MICU1: variants seen among roughly 807,000 people sequenced by gnomAD.
MICU1 encodes mitochondrial calcium uptake 1.
A neutral mutation model predicts 56.8 loss-of-function variants in MICU1; 45 were observed. The observed-to-expected ratio is 0.79, with a 90% confidence interval of 0.62 to 1.02. The LOEUF is 1.02. Ranked by LOEUF, MICU1 falls within the 50% of genes least tolerant of loss-of-function variation. The pLI is 0.00. For synonymous variants in MICU1, 186 were observed against 195.1 expected (o/e 0.95, Z 0.39); for missense variants, 504 against 587.1 (o/e 0.86, Z 1.46).
intron 1 of MICU1, among the ~76,000 whole-genome samples, chr10:72,613,244 T>C (rs1287576352): frequency 6.6e-6 from 1 of 151,570 alleles, no homozygotes; most frequent in African/African-American, 2.4e-5. Flanking sequence ...TTACAGACAT[T>C]ATTAGGAGAA....
intron 9 of MICU1, among the ~76,000 whole-genome samples, chr10:72,421,266 T>G (rs1864163845): frequency 6.6e-6 from 1 of 151,392 alleles, no homozygotes; most frequent in Non-Finnish European, 1.5e-5. Context: ...TTCTTTATCT[T>G]TTTTTTTGAG....
intron 11 of MICU1, among the ~76,000 whole-genome samples, chr10:72,369,939 G>A (rs2132026770): frequency 6.8e-6 from 1 of 147,424 alleles, no homozygotes; most frequent in African/African-American, 2.5e-5. Flanking sequence ...GGAGTGCAGT[G>A]GTGCGATCTC....
At chr10:72,536,060 T>C (rs1839624733) in intron 4 of MICU1, among the ~76,000 whole-genome samples, 1 of 151,804 alleles carries the variant, frequency 6.6e-6, no homozygotes, top group South Asian at 2.1e-4. Flanking sequence ...CTGGGAAGGA[T>C]AGGGGAAATG....
intron 9 of MICU1, among the ~76,000 whole-genome samples, chr10:72,413,151 C>T (rs7904455): frequency 0.45 from 67,299 of 151,174 alleles, 18,771 homozygotes; most frequent in Non-Finnish European, 0.64. Flanking sequence ...GAGCCGAGAT[C>T]GTGCCACTGC....
intron 6 of MICU1, among the ~76,000 whole-genome samples, chr10:72,496,430 T>C (rs1164556029): frequency 1.3e-5 from 2 of 151,860 alleles, no homozygotes; most frequent in Non-Finnish European, 2.9e-5. Flanking sequence ...GCCTCCTGAA[T>C]AGCTGGGATT....
chr10:72,427,017 G>A (rs1385251621), intron 8 of MICU1, among the ~76,000 whole-genome samples: 2 of 152,174 alleles, frequency 1.3e-5, no homozygotes, highest in African/African-American at 4.8e-5. Context: ...TGGAACCTCT[G>A]ATGTTCTACT....
chr10:72,444,375 T>G (rs187425721), intron 8 of MICU1, among the ~76,000 whole-genome samples: 113 of 150,000 alleles, frequency 7.5e-4, no homozygotes, highest in African/African-American at 2.7e-3. Flanking sequence ...AGTATAATAA[T>G]AATAAGAAGA....
At chr10:72,608,056 T>C (rs1014920531) in intron 1 of MICU1, among the ~76,000 whole-genome samples, 1 of 152,150 alleles carries the variant, frequency 6.6e-6, no homozygotes, top group Non-Finnish European at 1.5e-5. Context: ...TTTTCCTTTA[T>C]ACTGTTCTAA....
chr10:72,607,944 C>A (rs890506293), intron 1 of MICU1, among the ~76,000 whole-genome samples: 1 of 152,166 alleles, frequency 6.6e-6, no homozygotes, highest in Admixed American at 6.5e-5. Context: ...GGGTGGGAAA[C>A]AATCCACACA....
At chr10:72,440,809 T>TTA (rs1351056199) in intron 8 of MICU1, among the ~76,000 whole-genome samples, 1 of 152,228 alleles carries the variant, frequency 6.6e-6, no homozygotes, top group Non-Finnish European at 1.5e-5. Context: ...ATGCTCATCA[T>TTA]TACTGGTCAT....
chr10:72,595,969 A>G (rs568953040), intron 1 of MICU1, among the ~76,000 whole-genome samples: 5 of 136,682 alleles, frequency 3.7e-5, no homozygotes, highest in African/African-American at 1.4e-4. Flanking sequence ...TGTCTCCACA[A>G]TAAAAAAATT....
intron 2 of MICU1, among the ~76,000 whole-genome samples, chr10:72,564,639 A>G (rs575842316): frequency 7.2e-5 from 11 of 152,188 alleles, no homozygotes; most frequent in African/African-American, 2.6e-4. Flanking sequence ...AGAGGATCCC[A>G]AGCCAAATAC....
chr10:72,498,671 A>G (rs894261904), intron 6 of MICU1, among the ~76,000 whole-genome samples: 1 of 152,156 alleles, frequency 6.6e-6, no homozygotes, highest in African/African-American at 2.4e-5. Flanking sequence ...GAGCCTAAGG[A>G]GCAGAGAAGG....
At chr10:72,580,880 G>A (rs185872935) in intron 1 of MICU1, among the ~76,000 whole-genome samples, 174 of 152,144 alleles carry the variant, frequency 1.1e-3, no homozygotes, top group African/African-American at 3.9e-3. Context: ...CAGCAACAAG[G>A]TTCTCAAAAA....
At chr10:72,570,467 A>C (rs1840580800) in intron 1 of MICU1, among the ~76,000 whole-genome samples, 1 of 152,162 alleles carries the variant, frequency 6.6e-6, no homozygotes, top group South Asian at 2.1e-4. Context: ...CTAACATTTA[A>C]GTATACTCTA....
intron 1 of MICU1, among the ~76,000 whole-genome samples, chr10:72,573,467 T>G (rs1329252200): frequency 6.6e-6 from 1 of 151,998 alleles, no homozygotes; most frequent in Admixed American, 6.6e-5. Context: ...CTGGTGGGAG[T>G]TGGAAATAAG....
chr10:72,375,702 T>C, intron 11 of MICU1, 81 bp downstream of exon 11: 4 of 1,295,886 alleles, frequency 3.1e-6, no homozygotes, highest in Non-Finnish European at 2.1e-6. Context: ...ACAGATGCTG[T>C]CCGCAAGGCT....
chr10:72,500,393 C>T (rs935339542), intron 6 of MICU1, among the ~76,000 whole-genome samples: 7 of 142,438 alleles, frequency 4.9e-5, no homozygotes, highest in African/African-American at 1.0e-4. Context: ...AGCTCACTGC[C>T]GGATCACTAA....
chr10:72,611,128 C>G (rs926976672), intron 1 of MICU1, among the ~76,000 whole-genome samples: 15 of 150,068 alleles, frequency 1.0e-4, no homozygotes, highest in African/African-American at 3.7e-4. Flanking sequence ...CACGGTGAAA[C>G]CCCGTGTCTA....
Sources: allele counts gnomAD v4.1 joint callset (sites outside exome capture counted in the v4.1 genomes callset), GRCh38; gene constraint gnomAD v4.1.1; transcripts MANE v1.5; gene names NCBI Gene and HGNC (gene_info 2026-07-23, HGNC 2026-07-21).